The following NLGN4X variants were observed in gnomAD, a reference collection of about 807,000 sequenced individuals.
NLGN4X encodes the protein neuroligin-4, X-linked.
A neutral mutation model predicts 40.3 loss-of-function variants in NLGN4X; 3 were observed. That is an observed-to-expected ratio of 0.07 (90% confidence interval 0.03 to 0.19). The LOEUF (loss-of-function observed/expected upper bound fraction) is 0.19. Among genes scored for constraint, NLGN4X ranks in the 10% least tolerant of loss-of-function variants. The probability of loss-of-function intolerance (pLI) is 1.00; values close to 1 mark genes in which losing one functional copy is unlikely to be tolerated. For missense variants in NLGN4X, 382 were observed against 708.3 expected (o/e 0.54, Z 5.23); for synonymous variants, 270 against 306.8 (o/e 0.88, Z 1.25).
intron 1 of NLGN4X, among the ~76,000 whole-genome samples, chrX:6,152,775 A>G (rs1202815832): frequency 8.9e-6 from 1 of 112,445 alleles, no homozygotes; most frequent in Non-Finnish European, 1.9e-5. Flanking sequence ...CATAATTAAA[A>G]GTGTTGATAC....
chrX:5,985,574 C>G (rs1357375437), intron 3 of NLGN4X, among the ~76,000 whole-genome samples: 1 of 111,709 alleles, frequency 9.0e-6, no homozygotes, highest in Non-Finnish European at 1.9e-5. Flanking sequence ...CAGGTGTGAG[C>G]CACTGTGCCT....
intron 2 of NLGN4X, among the ~76,000 whole-genome samples, chrX:6,034,153 C>CGTGGGT: frequency 8.9e-6 from 1 of 112,168 alleles, no homozygotes; most frequent in East Asian, 2.8e-4. Context: ...CTGGGTGGTG[C>CGTGGGT]GTGGGTGTGA....
chrX:6,159,905 G>A (rs1161094813), intron 1 of NLGN4X, among the ~76,000 whole-genome samples: 1 of 111,988 alleles, frequency 8.9e-6, no homozygotes, highest in Non-Finnish European at 1.9e-5. Flanking sequence ...CAGAAACAGT[G>A]AGAGTCAGTG....
At chrX:6,147,270 G>A (rs2040069590) in intron 2 of NLGN4X, among the ~76,000 whole-genome samples, 1 of 111,546 alleles carries the variant, frequency 9.0e-6, no homozygotes, top group Admixed American at 9.5e-5. Flanking sequence ...CCATGGGTCT[G>A]TCCATTTCCC....
chrX:5,967,525 G>A (rs777327215), intron 3 of NLGN4X, among the ~76,000 whole-genome samples: 12 of 111,476 alleles, frequency 1.1e-4, no homozygotes, highest in African/African-American at 3.6e-4. Flanking sequence ...TAAGGAAGGT[G>A]GAAGGAATTT....
chrX:5,998,176 G>A (rs1369804310), intron 3 of NLGN4X, among the ~76,000 whole-genome samples: 1 of 110,644 alleles, frequency 9.0e-6, no homozygotes, highest in African/African-American at 3.3e-5. Context: ...TTGGGAGGCC[G>A]AGGCGGGTGG....
chrX:6,146,679 T>C (rs896643078), intron 2 of NLGN4X, among the ~76,000 whole-genome samples: 5 of 92,265 alleles, frequency 5.4e-5, no homozygotes, highest in African/African-American at 2.1e-4. Context: ...ATCTTCCTTT[T>C]TCAATTGTAT....
chrX:6,060,794 C>T lies in NLGN4X; in HGVS notation c.473-31362G>A, dbSNP rs2037749649. ...TTCATAAGAGAATAATGATAGGAAC[C>T]CAATATAAGGCTGACTCTCACCCAT... is the stretch of plus-strand genomic sequence containing the variant. On this transcript the variant is annotated intron_variant, in intron 2 of 5. Transcript: ENST00000381095. 2.7e-5 allele frequency among the ~76,000 whole-genome samples: 3 copies of T among 111,781 alleles called. No individual in the cohort carries two copies. In the Admixed American group the frequency reaches 2.9e-4, roughly 11 times the overall value.
At chrX:6,066,199 G>T (rs765916046) in intron 2 of NLGN4X, among the ~76,000 whole-genome samples, 1 of 112,019 alleles carries the variant, frequency 8.9e-6, no homozygotes, top group Non-Finnish European at 1.9e-5. Flanking sequence ...GGTGATGACA[G>T]CTGCTTATGA....
At chrX:5,930,466 C>T (rs1426125113) in intron 3 of NLGN4X, among the ~76,000 whole-genome samples, 1 of 112,096 alleles carries the variant, frequency 8.9e-6, no homozygotes, top group Non-Finnish European at 1.9e-5. Flanking sequence ...ATGTGCCTTT[C>T]ACAAGCCCTT....
At chrX:6,209,906 A>G (rs1285431552) in intron 1 of NLGN4X, among the ~76,000 whole-genome samples, 1 of 112,459 alleles carries the variant, frequency 8.9e-6, no homozygotes, top group Non-Finnish European at 1.9e-5. Flanking sequence ...GCTGGAGTGC[A>G]GTGGCACTAT....
At chrX:5,939,419 G>A (rs183074824) in intron 3 of NLGN4X, among the ~76,000 whole-genome samples, 1 of 111,361 alleles carries the variant, frequency 9.0e-6, no homozygotes, top group East Asian at 2.9e-4. Context: ...TTGGCTCCAA[G>A]TGGTCTGGTT....
intron 1 of NLGN4X, among the ~76,000 whole-genome samples, chrX:6,163,449 T>C (rs2040439192): frequency 9.0e-6 from 1 of 111,707 alleles, no homozygotes; most frequent in African/African-American, 3.3e-5. Flanking sequence ...TTTCAATTGC[T>C]ACAATTAAGC....
intron 3 of NLGN4X, among the ~76,000 whole-genome samples, chrX:6,011,668 C>T (rs1465314632): frequency 9.0e-6 from 1 of 110,732 alleles, no homozygotes; most frequent in Non-Finnish European, 1.9e-5. Context: ...GTCCTACCAC[C>T]GCCAGGGGTC....
At chrX:6,000,228 A>G (rs140740484) in intron 3 of NLGN4X, among the ~76,000 whole-genome samples, 1 of 112,282 alleles carries the variant, frequency 8.9e-6, no homozygotes, top group East Asian at 2.8e-4. Flanking sequence ...ATTCTAAAGA[A>G]CCTGATTAAA....
intron 1 of NLGN4X, among the ~76,000 whole-genome samples, chrX:6,171,213 C>T (rs1206860391): frequency 8.9e-6 from 1 of 112,242 alleles, no homozygotes; most frequent in Non-Finnish European, 1.9e-5. Flanking sequence ...CATTGAATTG[C>T]CTCCTGTTTT....
At chrX:6,134,162 G>C (rs991519065) in intron 2 of NLGN4X, among the ~76,000 whole-genome samples, 2 of 111,470 alleles carry the variant, frequency 1.8e-5, no homozygotes, top group African/African-American at 6.5e-5. Flanking sequence ...TCTCTAGCTC[G>C]ACTGATGACT....
intron 2 of NLGN4X, among the ~76,000 whole-genome samples, chrX:6,079,193 G>A (rs771375857): frequency 9.0e-6 from 1 of 111,671 alleles, no homozygotes; most frequent in African/African-American, 3.3e-5. Context: ...GAATTGGGTT[G>A]GTTCCTCTCT....
intron 3 of NLGN4X, among the ~76,000 whole-genome samples, chrX:5,962,200 T>G (rs1381001362): frequency 8.9e-6 from 1 of 112,215 alleles, no homozygotes; most frequent in African/African-American, 3.2e-5. Context: ...TATGTTTCCA[T>G]AAAAAGGGCT....
Sources: allele counts gnomAD v4.1 joint callset (sites outside exome capture counted in the v4.1 genomes callset), GRCh38; gene constraint gnomAD v4.1.1; transcripts MANE v1.5; gene names NCBI Gene and HGNC (gene_info 2026-07-23, HGNC 2026-07-21).